RHBDL2: variants seen among roughly 807,000 people sequenced by gnomAD.
The protein encoded by RHBDL2 is rhomboid like 2.
RHBDL2 carries 26 observed loss-of-function variants against 31.7 expected under a neutral mutation model. That is an observed-to-expected ratio of 0.82 (90% CI 0.60 to 1.14). The LOEUF (loss-of-function observed/expected upper bound fraction) is 1.14, where lower values mean the gene tolerates loss of function less well. RHBDL2 is among the 50% of genes most tolerant of loss of function. The pLI, the probability that RHBDL2 is intolerant of heterozygous loss-of-function variation, is 0.00. For missense variants in RHBDL2, 336 were observed against 364.4 expected (o/e 0.92, Z 0.63); for synonymous variants, 123 against 127.2 (o/e 0.97, Z 0.22).
In RHBDL2 at chr1:38,915,614, C is replaced by G. The variant is rs764143017; in HGVS notation, c.343G>C (p.Glu115Gln). ...ILESPFIYSP[E>Q]KREEAWRFIS... ...AACCTCCAGGCTTCCTCCCTCTTCT[C>G]AGGACTGTAGATAAAGGGACTCTCC... The change falls in exon 3 of 8, where the codon GAG (glutamate) becomes CAG (glutamine). Residue 115 changes from glutamate (E) to glutamine (Q), a missense_variant. Transcript: ENST00000372990. The G allele has an allele frequency of 6.2e-7, 1 of 1,614,172 alleles. No individual in the cohort carries two copies. The highest frequency in any genetic ancestry group is 2.2e-5 in the East Asian group (1 of 44,880).
intron 1 of RHBDL2, among the ~76,000 whole-genome samples, chr1:38,921,513 G>A (rs146475677): frequency 1.3e-3 from 199 of 152,204 alleles, no homozygotes; most frequent in African/African-American, 4.6e-3. Flanking sequence ...TGAGCCTGGC[G>A]CCTGTTTTCA....
intron 1 of RHBDL2, among the ~76,000 whole-genome samples, chr1:38,932,067 G>A (rs1390230086): frequency 6.6e-6 from 1 of 151,976 alleles, no homozygotes; most frequent in Admixed American, 6.6e-5. Context: ...TGCTCCTTTG[G>A]GAATGCTTCC....
intron 6 of RHBDL2, among the ~76,000 whole-genome samples, chr1:38,891,711 T>C (rs1642856739): frequency 6.6e-6 from 1 of 152,236 alleles, no homozygotes; most frequent in South Asian, 2.1e-4. Context: ...GTTCTTATAT[T>C]TAAATGGTCA....
In RHBDL2 at chr1:38,893,205, G is replaced by T; in HGVS notation, c.629C>A (p.Pro210His). The T allele has an allele frequency of 6.4e-7, 1 of 1,565,614 alleles. No individual in the cohort carries two copies. Among genetic ancestry groups the T allele is most frequent in the Non-Finnish European group, 8.8e-7 (1 of 1,137,798 alleles). The change falls in exon 6 of 8, where the codon CCT becomes CAT. Residue 210 changes from proline (P) to histidine (H), a missense_variant. Transcript: ENST00000372990. Reference sequence around the variant, plus strand: ...CAGCAGTCTGAAAATTCCAAAGGCAGGAATCATTTCTTGAAAATTCTTAAA... The same window carrying T: ...CAGCAGTCTGAAAATTCCAAAGGCATGAATCATTTCTTGAAAATTCTTAAA... The part of the protein sequence containing the change: ...NVLVNFQEMI[P>H]AFGIFRLLII...
At chr1:38,888,990 G>A (rs1231027615) in intron 6 of RHBDL2, among the ~76,000 whole-genome samples, 1 of 152,108 alleles carries the variant, frequency 6.6e-6, no homozygotes, top group Non-Finnish European at 1.5e-5. Flanking sequence ...CAGGTAGCAG[G>A]GGACAGATTA....
Position 38,918,941 on chromosome 1 carries a change from CG to C in RHBDL2, c.246+25del, listed in dbSNP as rs756950754. On this transcript the variant is annotated intron_variant, in intron 2 of 7. Coordinates refer to ENST00000372990, the MANE Select transcript of RHBDL2 (RefSeq NM_017821.5). ...CCCAGCTTCCCCATGCCACTTACCC[CG>C]GTGCCCACCCCGCTCCCCATTCACC... 5.0e-6 allele frequency: 8 copies of C among 1,600,066 alleles called. No individual in the cohort carries two copies. The South Asian group carries it at 9.0e-5, about 18-fold the overall frequency.
intron 5 of RHBDL2, among the ~76,000 whole-genome samples, chr1:38,894,697 C>CTTTTCTTTTCT (rs1557608827): frequency 3.0e-5 from 2 of 67,368 alleles, no homozygotes; most frequent in Non-Finnish European, 3.9e-5. Flanking sequence ...TCTTTTTTTT[C>CTTTTCTTTTCT]TTTTTTTTTC....
chr1:38,925,037 T>C (rs1457937640), intron 1 of RHBDL2, among the ~76,000 whole-genome samples: 1 of 151,612 alleles, frequency 6.6e-6, no homozygotes, highest in Non-Finnish European at 1.5e-5. Flanking sequence ...CACCTAGGCC[T>C]CATAAAGTGC....
At chr1:38,920,171 T>C (rs1030611955) in intron 1 of RHBDL2, among the ~76,000 whole-genome samples, 1 of 143,224 alleles carries the variant, frequency 7.0e-6, no homozygotes, top group African/African-American at 2.6e-5. Context: ...GTTTTCTTTT[T>C]TTTTTTTTTT....
In RHBDL2 at chr1:38,887,963, C is replaced by T. The variant is rs767505554; in HGVS notation, c.732G>A (p.Pro244=). Residue 244 remains proline, a splice_region_variant and synonymous_variant, in exon 7 of 8, where the codon CCG becomes CCA. Transcript: ENST00000372990. ...RRFFVPEDGS[P]VSFAAHIAGG... is the part of the protein sequence containing the mutation. ...TATAAAAGAAAGAAACTGAACTCAC[C>T]GGAGACCCATCTTCAGGAACAAAGA... is the stretch of plus-strand genomic sequence containing the variant. The T allele has an allele frequency of 3.1e-6, 5 of 1,603,904 alleles. No homozygotes were observed. The highest frequency in any genetic ancestry group is 1.7e-5 in the Admixed American group (1 of 59,846).
intron 4 of RHBDL2, among the ~76,000 whole-genome samples, chr1:38,903,766 A>G (rs1643025489): frequency 6.6e-6 from 1 of 152,206 alleles, no homozygotes; most frequent in Non-Finnish European, 1.5e-5. Flanking sequence ...AAATTTGTGA[A>G]AAAGAATAAA....
chr1:38,920,817 A>G (rs1324536322), intron 1 of RHBDL2, among the ~76,000 whole-genome samples: 5 of 146,598 alleles, frequency 3.4e-5, no homozygotes, highest in African/African-American at 1.3e-4. Context: ...GGGTTTCACC[A>G]TGTTAGCCAG....
At chr1:38,924,851 G>A (rs1427550119) in intron 1 of RHBDL2, among the ~76,000 whole-genome samples, 3 of 144,200 alleles carry the variant, frequency 2.1e-5, no homozygotes, top group Non-Finnish European at 3.0e-5. Flanking sequence ...GTGCGATCTC[G>A]GCTCACCACA....
At chr1:38,917,645 G>T (rs1009000068) in intron 2 of RHBDL2, among the ~76,000 whole-genome samples, 1 of 152,136 alleles carries the variant, frequency 6.6e-6, no homozygotes, top group African/African-American at 2.4e-5. Context: ...AGATCCGGAC[G>T]ACTTCCCAGT....
chr1:38,890,028 T>C (rs1642834482), intron 6 of RHBDL2, among the ~76,000 whole-genome samples: 1 of 151,972 alleles, frequency 6.6e-6, no homozygotes, highest in Non-Finnish European at 1.5e-5. Flanking sequence ...CATGAGGCTA[T>C]ATAATATTTT....
chr1:38,906,341 C>T (rs1235050712), intron 4 of RHBDL2, among the ~76,000 whole-genome samples: 2 of 152,036 alleles, frequency 1.3e-5, no homozygotes, highest in African/African-American at 4.8e-5. Context: ...AACAAAAACC[C>T]TACTACTAAG....
chr1:38,921,699 C>A (rs1408569776), intron 1 of RHBDL2, among the ~76,000 whole-genome samples: 2 of 152,110 alleles, frequency 1.3e-5, no homozygotes, highest in East Asian at 3.8e-4. Flanking sequence ...CTGCATTTTT[C>A]ACCCACCCAC....
intron 4 of RHBDL2, among the ~76,000 whole-genome samples, chr1:38,904,970 G>A (rs1167075995): frequency 1.3e-5 from 2 of 150,326 alleles, no homozygotes; most frequent in Non-Finnish European, 1.5e-5. Flanking sequence ...GGCGGAGCTT[G>A]CAGTGAGCCG....
chr1:38,901,536 T>A (rs1394493265), intron 4 of RHBDL2, among the ~76,000 whole-genome samples: 2 of 145,214 alleles, frequency 1.4e-5, no homozygotes. Flanking sequence ...AAGAAAAATT[T>A]AAAAATAAAT....
Sources: allele counts gnomAD v4.1 joint callset (sites outside exome capture counted in the v4.1 genomes callset), GRCh38; gene constraint gnomAD v4.1.1; transcripts MANE v1.5; gene names NCBI Gene and HGNC (gene_info 2026-07-23, HGNC 2026-07-21).